Variants in ABCA3 observed in about 807,000 individuals in gnomAD.
ABCA3 encodes the protein ATP binding cassette subfamily A member 3.
In ABCA3, 88 loss-of-function variants were observed where a neutral mutation model predicts 172.8. That is an observed-to-expected ratio of 0.51 (90% CI 0.43 to 0.61). The LOEUF (loss-of-function observed/expected upper bound fraction) is 0.61. Among genes scored for constraint, ABCA3 ranks in the 20% least tolerant of loss-of-function variants. The probability of loss-of-function intolerance (pLI) is 0.00; values close to 1 mark genes in which losing one functional copy is unlikely to be tolerated. For missense variants in ABCA3, 2,164 were observed against 2,301.0 expected (o/e 0.94, Z 1.22); for synonymous variants, 1,066 against 983.8 (o/e 1.08, Z -1.56).
In ABCA3 at chr16:2,283,020, G is replaced by A. The variant is rs904399194; in HGVS notation, c.4035+166C>T. The stretch of plus-strand genomic sequence containing the variant: ...TTGTGAGTGGCGAGGGCTGTGCCCC[G>A]CCCTGGCTGTAAGTGCCGGCTGGTG... On this transcript the variant is annotated intron_variant, in intron 26 of 32. Transcript: ENST00000301732. The surrounding 1 kb of genome is among the most constrained non-coding windows in gnomAD (Gnocchi z 5.4). Among the ~76,000 whole-genome samples the A allele has an allele frequency of 3.9e-5, 6 of 152,190 alleles. No homozygotes were observed. The highest frequency in any genetic ancestry group is 8.8e-5 in the Non-Finnish European group (6 of 68,022).
intron 11 of ABCA3, among the ~76,000 whole-genome samples, chr16:2,307,150 G>A (rs114895412): frequency 1.8e-3 from 277 of 151,970 alleles, no homozygotes; most frequent in African/African-American, 6.4e-3. Flanking sequence ...AAATGCTGTC[G>A]TTTATCACTT....
At position 2,283,569 on chromosome 16, in the gene ABCA3, C is replaced by T. The variant is rs1212748119; in HGVS notation, c.3863-211G>A. On this transcript the variant is annotated intron_variant, in intron 25 of 32. Transcript: ENST00000301732. This position sits in a 1 kb window ranked among gnomAD's most constrained non-coding sequence, Gnocchi z 5.4. Reference sequence around the variant, plus strand: ...GGCACGTAACAATCCAATGCAGTCCCATGAGCGACATGGCAGACCCAGGGC... The same window carrying T: ...GGCACGTAACAATCCAATGCAGTCCTATGAGCGACATGGCAGACCCAGGGC... The T allele has an allele frequency of 3.5e-6, 2 of 575,422 alleles. No individual in the cohort carries two copies. The highest frequency in any genetic ancestry group is 6.1e-6 in the Non-Finnish European group (2 of 325,924). The allele number at this position is 575,422 out of a possible 1,614,324, so 35.6% of individuals were successfully genotyped here.
intron 11 of ABCA3, among the ~76,000 whole-genome samples, chr16:2,307,016 C>CAAAAAAAAAAAAAAATA (rs2093698871): frequency 1.5e-5 from 1 of 65,994 alleles, no homozygotes; most frequent in Non-Finnish European, 2.8e-5. Flanking sequence ...GACTCCGTCT[C>CAAAAAAAAAAAAAAATA]AAAAAAAAAA....
intron 11 of ABCA3, among the ~76,000 whole-genome samples, chr16:2,307,370 T>C (rs1011338320): frequency 2.0e-5 from 3 of 152,032 alleles, no homozygotes; most frequent in Middle Eastern, 3.4e-3. Context: ...CTGGCCAACA[T>C]GGCAAAACCC....
intron 8 of ABCA3, among the ~76,000 whole-genome samples, chr16:2,318,067 G>A (rs940462575): frequency 3.9e-5 from 6 of 152,176 alleles, no homozygotes; most frequent in African/African-American, 9.7e-5. Context: ...ACTTGAGATC[G>A]TCCCCCGAAG....
rs1308168099 is a variant in ABCA3, at chr16:2,317,411, G to A, written c.991-8C>T. ...GGCTACATTTGGCTTCACCTGCAGG[G>A]CACAGGCATGAGTCGGGCGTGGTGG... On this transcript the variant is annotated splice_region_variant and splice_polypyrimidine_tract_variant and intron_variant, in intron 9 of 32. Transcript: ENST00000301732. The A allele has an allele frequency of 6.2e-7, 1 of 1,613,512 alleles. No homozygotes were observed. Among genetic ancestry groups the A allele is most frequent in the East Asian group, 2.2e-5 (1 of 44,872 alleles).
At chr16:2,334,257 C>T (rs377459928) in intron 1 of ABCA3, among the ~76,000 whole-genome samples, 1 of 151,946 alleles carries the variant, frequency 6.6e-6, no homozygotes, top group Non-Finnish European at 1.5e-5. Context: ...TGGGGAGCAG[C>T]GAGTCATTCC....
At chr16:2,301,539 T>G (rs907104303) in intron 12 of ABCA3, among the ~76,000 whole-genome samples, 1 of 151,910 alleles carries the variant, frequency 6.6e-6, no homozygotes, top group African/African-American at 2.4e-5. Flanking sequence ...AAACCCCGTC[T>G]CTAATAAAAA....
intron 10 of ABCA3, among the ~76,000 whole-genome samples, chr16:2,316,916 A>G (rs1178960711): frequency 6.6e-6 from 1 of 152,206 alleles, no homozygotes; most frequent in Non-Finnish European, 1.5e-5. Flanking sequence ...AAGGAAAACA[A>G]AGAAGCAAAA....
chr16:2,319,310 C>T (rs2093721767), intron 8 of ABCA3, among the ~76,000 whole-genome samples: 1 of 151,870 alleles, frequency 6.6e-6, no homozygotes, highest in African/African-American at 2.4e-5. Flanking sequence ...ACGGTGAAAC[C>T]ACGTCTCTAC....
chr16:2,333,837 C>A (rs549696913), intron 1 of ABCA3, among the ~76,000 whole-genome samples: 1 of 151,882 alleles, frequency 6.6e-6, no homozygotes, highest in Admixed American at 6.6e-5. Context: ...TACAGGCGTG[C>A]GCCACCATGC....
rs528354456 is a variant in ABCA3, at chr16:2,305,761, GATGGGGGTCTTGCT to G, written c.1286-1625_1286-1612del. 1.6e-3 allele frequency among the ~76,000 whole-genome samples: 247 copies of G among 152,224 alleles called. 3 individuals carry two copies. In the Middle Eastern group the frequency reaches 0.041, roughly 25 times the overall value. ...TTTTTTTACATTTTAATTTTGTAGT[GATGGGGGTCTTGCT>G]ATGTTGCCCAGGCTGGTCTCAAACT... On this transcript the variant is annotated intron_variant, in intron 11 of 32. Coordinates refer to ENST00000301732, the MANE Select transcript of ABCA3 (RefSeq NM_001089.3).
Position 2,283,700 on chromosome 16 carries a change from A to C in ABCA3, c.3863-342T>G, listed in dbSNP as rs1433418935. The C allele has an allele frequency of 2.6e-5, 9 of 349,568 alleles. No individual in the cohort carries two copies. Among genetic ancestry groups the C allele is most frequent in the Non-Finnish European group, 4.9e-5 (9 of 184,576 alleles). The allele number at this position is 349,568 out of a possible 1,614,324, so 21.7% of individuals were successfully genotyped here. A position where few individuals can be genotyped will look rare whatever the true frequency, so the allele number is the denominator to read the frequency against. ...CCGAGGGGTGTGTGGGAGGCTGAGG[A>C]GGCCCCACAGGACAGGTCCAAGTTC... On this transcript the variant is annotated intron_variant, in intron 25 of 32. Transcript: ENST00000301732. The surrounding 1 kb of genome is among the most constrained non-coding windows in gnomAD (Gnocchi z 5.4).
intron 19 of ABCA3, 29 bp from the exon 20 acceptor site, chr16:2,289,649 G>T: frequency 6.5e-7 from 1 of 1,544,220 alleles, no homozygotes. Context: ...GGACCGGTCA[G>T]GACCCAGCTC....
chr16:2,328,387 G>C (rs2093737717), intron 3 of ABCA3, 66 bp downstream of exon 3: 13 of 414,182 alleles, frequency 3.1e-5, no homozygotes, highest in South Asian at 2.3e-4. Flanking sequence ...TAAGAAAAAG[G>C]AACACAGACA....
chr16:2,280,363 C>A (rs2093653159), intron 28 of ABCA3, among the ~76,000 whole-genome samples: 1 of 152,254 alleles, frequency 6.6e-6, no homozygotes, highest in African/African-American at 2.4e-5. Context: ...ACCATCTCCT[C>A]TGTTTGTTTG....
chr16:2,317,153 C>T (rs376804770), intron 10 of ABCA3, 130 bp downstream of exon 10: 1 of 1,381,392 alleles, frequency 7.2e-7, no homozygotes. Flanking sequence ...TCCAACCTTC[C>T]CCTGGTCAGC....
At chr16:2,322,078 A>G (rs1780373121) in intron 7 of ABCA3, among the ~76,000 whole-genome samples, 1 of 151,994 alleles carries the variant, frequency 6.6e-6, no homozygotes, top group Admixed American at 6.6e-5. Flanking sequence ...TGCGCCTGTA[A>G]TCCCAGCTAC....
chr16:2,303,324 C>T (rs1012690302), intron 12 of ABCA3, among the ~76,000 whole-genome samples: 16 of 149,988 alleles, frequency 1.1e-4, no homozygotes, highest in African/African-American at 3.9e-4. Flanking sequence ...TGCAATGGCG[C>T]GATCTTGGCT....
Sources: gnomAD v4.1 joint callset for allele counts (sites outside exome capture counted in the v4.1 genomes callset) on GRCh38, gnomAD v4.1.1 for gene constraint, Gnocchi (gnomAD v3.1) non-coding constraint, MANE v1.5 for transcripts, NCBI Gene and HGNC (gene_info 2026-07-23, HGNC 2026-07-21) for gene names.